Variants in THSD7B observed in about 807,000 individuals in gnomAD.
The protein encoded by THSD7B is thrombospondin type-1 domain-containing protein 7B.
Under a neutral mutation model 213.6 loss-of-function variants are expected in THSD7B, and 138 were observed. The ratio of observed to expected loss-of-function variants is 0.65; its 90% CI spans 0.56 to 0.74. THSD7B has a LOEUF of 0.74. Among genes scored for constraint, THSD7B ranks in the 30% least tolerant of loss-of-function variants. The pLI is 0.00. For synonymous variants in THSD7B, 742 were observed against 687.0 expected, an observed-to-expected ratio of 1.08 and a Z score of -1.25; for missense variants, 1,931 against 1,991.5, an observed-to-expected ratio of 0.97 and a Z score of 0.58.
intron 2 of THSD7B, among the ~76,000 whole-genome samples, chr2:136,898,794 C>A (rs1684011420): frequency 6.6e-6 from 1 of 151,952 alleles, no homozygotes; most frequent in African/African-American, 2.4e-5. Flanking sequence ...AGGCGTGCAC[C>A]ACCATGCCCA....
intron 1 of THSD7B, among the ~76,000 whole-genome samples, chr2:136,802,637 G>A (rs1487727362): frequency 3.8e-4 from 15 of 39,026 alleles, no homozygotes; most frequent in Admixed American, 2.5e-3. Context: ...TATGAATTAA[G>A]TTTATATATA....
intron 1 of THSD7B, among the ~76,000 whole-genome samples, chr2:136,867,461 C>A (rs80150541): frequency 0.011 from 1,614 of 152,262 alleles, 33 homozygotes; most frequent in African/African-American, 0.037. Context: ...TTCTTACCCA[C>A]ACTTTTCTGC....
At chr2:137,662,673 T>C (rs1683373091) in intron 25 of THSD7B, among the ~76,000 whole-genome samples, 1 of 152,198 alleles carries the variant, frequency 6.6e-6, no homozygotes, top group South Asian at 2.1e-4. Flanking sequence ...GTAAGAAGGG[T>C]GGGTTGGAGC....
At chr2:137,260,585 C>T (rs1385679310) in intron 10 of THSD7B, among the ~76,000 whole-genome samples, 2 of 152,096 alleles carry the variant, frequency 1.3e-5, no homozygotes, top group Non-Finnish European at 2.9e-5. Context: ...CGACAAAGGA[C>T]AACCTTGTCT....
chr2:136,998,101 A>G (rs572583916), intron 2 of THSD7B, among the ~76,000 whole-genome samples: 3 of 151,824 alleles, frequency 2.0e-5, no homozygotes, highest in Admixed American at 6.6e-5. Flanking sequence ...AAAATCTGAA[A>G]CCTCACTCAA....
intron 5 of THSD7B, among the ~76,000 whole-genome samples, chr2:137,123,725 G>C (rs1688583878): frequency 6.6e-6 from 1 of 152,146 alleles, no homozygotes; most frequent in Admixed American, 6.6e-5. Context: ...TGTTGAAGCT[G>C]TAAACGACAA....
chr2:137,262,300 T>C (rs1383597711), intron 10 of THSD7B, among the ~76,000 whole-genome samples: 1 of 152,134 alleles, frequency 6.6e-6, no homozygotes, highest in Non-Finnish European at 1.5e-5. Flanking sequence ...TAGATGACAT[T>C]TGTGCCCCTC....
At chr2:136,810,530 A>G (rs1398961156) in intron 1 of THSD7B, among the ~76,000 whole-genome samples, 1 of 152,190 alleles carries the variant, frequency 6.6e-6, no homozygotes, top group Non-Finnish European at 1.5e-5. Context: ...TACATCATAC[A>G]TTCTGCAGTG....
chr2:137,098,468 G>GA (rs1466970337), intron 4 of THSD7B, among the ~76,000 whole-genome samples: 1 of 152,018 alleles, frequency 6.6e-6, no homozygotes, highest in Non-Finnish European at 1.5e-5. Flanking sequence ...AAGAGCTATG[G>GA]AAAAAATAAA....
At chr2:137,142,948 A>G (rs1026349730) in intron 5 of THSD7B, among the ~76,000 whole-genome samples, 3 of 152,178 alleles carry the variant, frequency 2.0e-5, no homozygotes, top group South Asian at 2.1e-4. Context: ...CTATTCATGC[A>G]GAAAGTTACA....
At chr2:137,631,776 G>A (rs1682745718) in intron 20 of THSD7B, among the ~76,000 whole-genome samples, 3 of 152,142 alleles carry the variant, frequency 2.0e-5, no homozygotes, top group African/African-American at 7.2e-5. Context: ...AAAAAGAATA[G>A]ACAAGAAACT....
chr2:137,010,180 A>G (rs1686201185), intron 2 of THSD7B, among the ~76,000 whole-genome samples: 1 of 152,182 alleles, frequency 6.6e-6, no homozygotes, highest in Non-Finnish European at 1.5e-5. Flanking sequence ...TTCCATTACG[A>G]TCAGATACAG....
At chr2:136,945,957 T>C (rs892787472) in intron 2 of THSD7B, among the ~76,000 whole-genome samples, 1 of 152,200 alleles carries the variant, frequency 6.6e-6, no homozygotes, top group African/African-American at 2.4e-5. Flanking sequence ...AAAGCCTACT[T>C]CTGTCAGCTT....
intron 12 of THSD7B, among the ~76,000 whole-genome samples, chr2:137,394,537 C>T (rs1197833703): frequency 1.5e-5 from 2 of 135,550 alleles, no homozygotes; most frequent in Non-Finnish European, 3.3e-5. Flanking sequence ...GTTTTGGTAC[C>T]AGTACCATGC....
intron 21 of THSD7B, among the ~76,000 whole-genome samples, chr2:137,646,567 A>G (rs1352957141): frequency 6.7e-6 from 1 of 150,082 alleles, no homozygotes; most frequent in Non-Finnish European, 1.5e-5. Flanking sequence ...CAGAAGAATC[A>G]CTTGAACCTG....
At chr2:137,383,587 T>C (rs976316738) in intron 12 of THSD7B, among the ~76,000 whole-genome samples, 2 of 152,174 alleles carry the variant, frequency 1.3e-5, no homozygotes, top group African/African-American at 4.8e-5. Flanking sequence ...CTCCACACAT[T>C]ATGTAACCAC....
At chr2:136,834,414 A>C (rs1179068184) in intron 1 of THSD7B, among the ~76,000 whole-genome samples, 2 of 152,230 alleles carry the variant, frequency 1.3e-5, no homozygotes, top group Non-Finnish European at 2.9e-5. Flanking sequence ...TCAGTTGTAG[A>C]TACAATGCCT....
chr2:137,068,326 A>C (rs888037780), intron 3 of THSD7B, among the ~76,000 whole-genome samples: 1 of 152,142 alleles, frequency 6.6e-6, no homozygotes, highest in African/African-American at 2.4e-5. Flanking sequence ...CATGAAATCT[A>C]TAACTCTCAT....
intron 2 of THSD7B, among the ~76,000 whole-genome samples, chr2:137,012,806 A>G (rs1686255415): frequency 6.6e-6 from 1 of 152,244 alleles, no homozygotes; most frequent in South Asian, 2.1e-4. Context: ...AGTGCTTAAG[A>G]ATTTTTGAAA....
Sources: allele counts gnomAD v4.1 joint callset (sites outside exome capture counted in the v4.1 genomes callset), GRCh38; gene constraint gnomAD v4.1.1; transcripts MANE v1.5; gene names NCBI Gene and HGNC (gene_info 2026-07-23, HGNC 2026-07-21).